The following FRMPD1 variants were observed in gnomAD, a reference collection of about 807,000 sequenced individuals.
FRMPD1 encodes FERM and PDZ domain containing 1.
A neutral mutation model predicts 117.8 loss-of-function variants in FRMPD1; 76 were observed. The observed-to-expected ratio is 0.65, with a 90% CI of 0.54 to 0.78. The LOEUF (loss-of-function observed/expected upper bound fraction) is 0.78, where lower values mean the gene tolerates loss of function less well. FRMPD1 is among the 30% of genes least tolerant of loss of function. The probability of loss-of-function intolerance (pLI) is 0.00; values close to 1 mark genes in which losing one functional copy is unlikely to be tolerated. For synonymous variants in FRMPD1, 783 were observed against 770.4 expected (o/e 1.02, Z -0.27); for missense variants, 1,786 against 1,964.5 (o/e 0.91, Z 1.72).
chr9:37,739,956 G>A, intron 14 of FRMPD1, 122 bp from the exon 15 acceptor site: 1 of 742,768 alleles, frequency 1.3e-6, no homozygotes, highest in Non-Finnish European at 2.3e-6. Context: ...ACGGTCTTAG[G>A]CCAGCCACCC....
chr9:37,612,483 G>A, the FRMPD1 span, among the ~76,000 whole-genome samples: 5 of 151,042 alleles, frequency 3.3e-5, no homozygotes, highest in African/African-American at 1.2e-4. Flanking sequence ...CAAGTAACTG[G>A]GATTACAGGC....
At chr9:37,625,276 T>C in the FRMPD1 span, among the ~76,000 whole-genome samples, 1 of 152,166 alleles carries the variant, frequency 6.6e-6, no homozygotes, top group Non-Finnish European at 1.5e-5. Flanking sequence ...GGCACTGTAA[T>C]TGCTTTTCTT....
chr9:37,687,227 C>T lies in FRMPD1; in HGVS notation c.-4-5411C>T, dbSNP rs114197911. ...CCTTAGTCTGAGCTGGAGTCCCCCA[C>T]GCTGTGGCATTTCCCCGTTAATCCT... On this transcript the variant is annotated intron_variant, in intron 1 of 15. Transcript: ENST00000377765. 2.5e-3 allele frequency among the ~76,000 whole-genome samples: 375 copies of T among 152,320 alleles called. 1 individual carries two copies. Among genetic ancestry groups the T allele is most frequent in the African/African-American group, 8.4e-3 (351 of 41,570 alleles).
rs766914874 is a variant in FRMPD1, at chr9:37,746,118, C to T, written c.4086C>T (p.Pro1362=). The part of the protein sequence containing the change: ...EEEDRDLEAH[P]MAPLTSPPSA... ...AAGACAGGGACTTGGAAGCACACCC[C>T]ATGGCCCCCCTCACCTCACCGCCCT... The change falls in exon 16 of 16, where the codon CCC becomes CCT. Residue 1362 remains proline, a synonymous_variant. Transcript: ENST00000377765. The T allele has an allele frequency of 1.1e-5, 18 of 1,614,198 alleles. No individual in the cohort carries two copies. The South Asian group carries it at 1.8e-4, about 16-fold the overall frequency.
intron 3 of FRMPD1, among the ~76,000 whole-genome samples, chr9:37,708,035 G>A (rs1435408025): frequency 6.6e-6 from 1 of 152,238 alleles, no homozygotes; most frequent in Non-Finnish European, 1.5e-5. Flanking sequence ...ATTGAGGTGT[G>A]TTAATCTGGG....
Position 37,724,257 on chromosome 9 carries a change from C to G in FRMPD1, c.549C>G (p.Leu183=), listed in dbSNP as rs1290522653. Residue 183 remains leucine (L), a synonymous_variant, in exon 7 of 16, where the codon CTC becomes CTG. Coordinates refer to ENST00000377765, the MANE Select transcript of FRMPD1 (RefSeq NM_014907.3). Reference sequence around the variant, plus strand: ...CTCTGCTGTGTATGCCCAACGTGCTCAAGCTATACTTGGAGAATGGACAGA... The same window carrying G: ...CTCTGCTGTGTATGCCCAACGTGCTGAAGCTATACTTGGAGAATGGACAGA... ...GNSLLCMPNV[L]KLYLENGQTK... is the part of the protein sequence containing the mutation. 7.5e-6 allele frequency: 12 copies of G among 1,602,628 alleles called. No individual in the cohort carries two copies. Among genetic ancestry groups the G allele is most frequent in the Non-Finnish European group, 1.0e-5 (12 of 1,169,534 alleles).
the FRMPD1 span, among the ~76,000 whole-genome samples, chr9:37,624,159 C>A: frequency 1.3e-5 from 2 of 152,130 alleles, no homozygotes; most frequent in African/African-American, 4.8e-5. Context: ...AGAGCTGGAG[C>A]CATAGAGCAA....
At position 37,704,827 on chromosome 9, in the gene FRMPD1, CT is replaced by C. The variant is rs747635072; in HGVS notation, c.102-2576del. ...CATTAAATCTCTATTTAATTTAGAA[CT>C]TTTTTTTTTTTTGATACTTAGTGTT... On this transcript the variant is annotated intron_variant, in intron 2 of 15. Transcript: ENST00000377765. Among the ~76,000 whole-genome samples the C allele has an allele frequency of 8.6e-3, 1,246 of 144,084 alleles. 3 individuals are homozygous for C. Among genetic ancestry groups the C allele is most frequent in the African/African-American group, 0.013 (524 of 39,690 alleles). The allele number at this position is 144,084 out of a possible 152,430, so 94.5% of individuals were successfully genotyped here.
intron 1 of FRMPD1, among the ~76,000 whole-genome samples, chr9:37,655,321 G>T (rs1047110999): frequency 6.6e-6 from 1 of 151,954 alleles, no homozygotes; most frequent in African/African-American, 2.4e-5. Context: ...TGAGCATCAG[G>T]CTTCAGTGCT....
the FRMPD1 span, chr9:37,637,053 C>T: frequency 3.9e-6 from 6 of 1,540,150 alleles, no homozygotes; most frequent in Admixed American, 6.7e-5. Context: ...AAGCCATGAG[C>T]CCCCCGGTAG....
At chr9:37,605,436 T>G in the FRMPD1 span, among the ~76,000 whole-genome samples, 1 of 152,132 alleles carries the variant, frequency 6.6e-6, no homozygotes, top group African/African-American at 2.4e-5. Flanking sequence ...CTGACGGAGA[T>G]GAGAAAGCAG....
At chr9:37,646,764 T>C (rs1165416031), upstream of FRMPD1, among the ~76,000 whole-genome samples, 1 of 152,158 alleles carries the variant, frequency 6.6e-6, no homozygotes, top group Non-Finnish European at 1.5e-5. Context: ...ATGATTCTAT[T>C]TTGGGAACAA....
At chr9:37,695,236 G>A (rs558095037) in intron 2 of FRMPD1, among the ~76,000 whole-genome samples, 2 of 152,282 alleles carry the variant, frequency 1.3e-5, no homozygotes, top group East Asian at 3.9e-4. Context: ...CTATCAGACT[G>A]TTTCCCAGAG....
intron 2 of FRMPD1, among the ~76,000 whole-genome samples, chr9:37,704,766 T>G (rs1487301412): frequency 1.3e-5 from 2 of 152,030 alleles, no homozygotes; most frequent in African/African-American, 4.8e-5. Context: ...TTTGTCAAGT[T>G]GTTTTTTAAT....
At chr9:37,638,009 TTTC>T in the FRMPD1 span, among the ~76,000 whole-genome samples, 3 of 126,750 alleles carry the variant, frequency 2.4e-5, 1 homozygote, top group Non-Finnish European at 5.0e-5. Flanking sequence ...TCTTTCTTTC[TTTC>T]TTTCTTTCTT....
At chr9:37,729,632 G>C in intron 7 of FRMPD1, 96 bp from the exon 8 acceptor site, 1 of 1,313,798 alleles carries the variant, frequency 7.6e-7, no homozygotes, top group Non-Finnish European at 1.1e-6. Context: ...GTCAGTGCAG[G>C]CTTTTCTCTC....
rs562493423 is a variant in FRMPD1, at chr9:37,711,417, G to T, written c.408+22G>T. On this transcript the variant is annotated intron_variant, in intron 5 of 15. Transcript: ENST00000377765. ...GTCGGTAAATCTCTTTCTATGTCCTGTGTGTTAGTTTCACCATTCTTGGCC... is the reference window on the plus strand; with the variant it reads ...GTCGGTAAATCTCTTTCTATGTCCTTTGTGTTAGTTTCACCATTCTTGGCC... The T allele has an allele frequency of 4.5e-6, 7 of 1,568,102 alleles. No homozygotes were observed. The East Asian group carries it at 1.6e-4, about 35-fold the overall frequency.
intron 14 of FRMPD1, among the ~76,000 whole-genome samples, chr9:37,738,757 C>T (rs1374978042): frequency 5.9e-5 from 9 of 152,190 alleles, no homozygotes. Flanking sequence ...GGGGGGACTG[C>T]TGCTGCCTGT....
intron 1 of FRMPD1, among the ~76,000 whole-genome samples, chr9:37,681,621 T>G (rs573919414): frequency 6.6e-6 from 1 of 152,358 alleles, no homozygotes; most frequent in East Asian, 1.9e-4. Context: ...TAATGTGAAC[T>G]TCCCTAAAAT....
Sources: allele counts gnomAD v4.1 joint callset (sites outside exome capture counted in the v4.1 genomes callset), GRCh38; gene constraint gnomAD v4.1.1; transcripts MANE v1.5; gene names NCBI Gene and HGNC (gene_info 2026-07-23, HGNC 2026-07-21).